FRMPD2: variants seen among roughly 807,000 people sequenced by gnomAD.
FRMPD2 encodes FERM and PDZ domain-containing protein 2.
A neutral mutation model predicts 140.1 loss-of-function variants in FRMPD2; 96 were observed. The observed-to-expected ratio is 0.69, with a 90% CI of 0.58 to 0.81. The LOEUF is 0.81. FRMPD2 is among the 40% of genes least tolerant of loss of function. The pLI, the probability that FRMPD2 is intolerant of heterozygous loss-of-function variation, is 0.00. For missense variants in FRMPD2, 1,240 were observed against 1,447.4 expected (o/e 0.86, Z 2.32); for synonymous variants, 449 against 547.6 (o/e 0.82, Z 2.52).
chr10:48,196,994 T>C (rs1209061962), intron 15 of FRMPD2, among the ~76,000 whole-genome samples: 3 of 152,216 alleles, frequency 2.0e-5, no homozygotes, highest in Admixed American at 6.5e-5. Context: ...TTCTCAGCAA[T>C]AGCAGGTAAG....
intron 1 of FRMPD2, among the ~76,000 whole-genome samples, chr10:48,273,124 A>G (rs923291460): frequency 3.3e-5 from 5 of 152,200 alleles, no homozygotes; most frequent in African/African-American, 4.8e-5. Context: ...TTAGATGCAT[A>G]TGTATTTGTT....
At chr10:48,203,372 C>A (rs1839132714) in intron 14 of FRMPD2, among the ~76,000 whole-genome samples, 1 of 152,132 alleles carries the variant, frequency 6.6e-6, no homozygotes. Flanking sequence ...CAAACTTTCG[C>A]ATAAGCAAGC....
At chr10:48,266,351 T>C (rs1299671194) in intron 1 of FRMPD2, among the ~76,000 whole-genome samples, 21 of 152,170 alleles carry the variant, frequency 1.4e-4, no homozygotes, top group Non-Finnish European at 3.1e-4. Context: ...CCTGCACATG[T>C]ACCCCTGTAC....
At chr10:48,265,479 C>G (rs1840662792) in intron 1 of FRMPD2, among the ~76,000 whole-genome samples, 1 of 152,018 alleles carries the variant, frequency 6.6e-6, no homozygotes, top group Non-Finnish European at 1.5e-5. Context: ...TGGCAAAGGT[C>G]TAATATCCAG....
chr10:48,242,765 TC>T (rs1461748620), intron 4 of FRMPD2, among the ~76,000 whole-genome samples: 1 of 152,212 alleles, frequency 6.6e-6, no homozygotes, highest in Non-Finnish European at 1.5e-5. Context: ...ACTTGGCCTT[TC>T]CCCTGGAATG....
chr10:48,273,617 G>A (rs2131995525), intron 1 of FRMPD2, among the ~76,000 whole-genome samples: 1 of 152,238 alleles, frequency 6.6e-6, no homozygotes, highest in African/African-American at 2.4e-5. Context: ...AGGAGCCCGT[G>A]CCACCTCCAT....
At chr10:48,237,618 G>C (rs1839997467) in intron 8 of FRMPD2, among the ~76,000 whole-genome samples, 1 of 152,068 alleles carries the variant, frequency 6.6e-6, no homozygotes, top group African/African-American at 2.4e-5. Context: ...CTGCGGCCCT[G>C]GATCTATGCT....
chr10:48,194,680 G>A (rs1838913275), intron 15 of FRMPD2, among the ~76,000 whole-genome samples: 1 of 152,170 alleles, frequency 6.6e-6, no homozygotes, highest in Non-Finnish European at 1.5e-5. Context: ...GCCTGAGGAG[G>A]AAGCTCAGTT....
rs1218837210 is a variant in FRMPD2, at chr10:48,184,678, C to T, written c.2472G>A (p.Gly824=). The part of the protein sequence containing the change: ...AEKAKTIKPG[G]QILALNHISL... ...TGATGTGATTCAGGGCTAGTATCTG[C>T]CCTCCTAGAAAAATAAAACATCTCA... Residue 824 remains glycine, a synonymous_variant, in exon 20 of 29, where the codon GGG becomes GGA. Transcript: ENST00000374201. 6.2e-7 allele frequency: 1 copy of T among 1,609,478 alleles called. No individual in the cohort carries two copies. Among genetic ancestry groups the T allele is most frequent in the Non-Finnish European group, 8.5e-7 (1 of 1,176,424 alleles).
intron 1 of FRMPD2, among the ~76,000 whole-genome samples, chr10:48,271,782 G>A (rs1483223298): frequency 6.6e-6 from 1 of 152,206 alleles, no homozygotes; most frequent in Non-Finnish European, 1.5e-5. Context: ...AATTCAGGAG[G>A]GGAATGAGAA....
chr10:48,187,302 A>G lies in FRMPD2; in HGVS notation c.2166-10T>C. ...CCGGCCAGTGCAGGGGCTGCCGGGA[A>G]AAGAAAATGAGGTTAGATAAGGTGG... On this transcript the variant is annotated splice_polypyrimidine_tract_variant and intron_variant, in intron 16 of 28. Coordinates refer to ENST00000374201, the MANE Select transcript of FRMPD2 (RefSeq NM_001018071.4). 6.2e-7 allele frequency: 1 copy of G among 1,613,040 alleles called. No individual in the cohort carries two copies. Among genetic ancestry groups the G allele is most frequent in the South Asian group, 1.1e-5 (1 of 90,978 alleles).
At chr10:48,261,773 T>G (rs978875244) in intron 1 of FRMPD2, among the ~76,000 whole-genome samples, 2 of 152,078 alleles carry the variant, frequency 1.3e-5, no homozygotes, top group African/African-American at 4.8e-5. Flanking sequence ...AGCAACAACA[T>G]CTTGGGTGAT....
intron 13 of FRMPD2, 144 bp from the exon 14 acceptor site, chr10:48,207,077 G>A: frequency 2.9e-6 from 2 of 679,636 alleles, no homozygotes; most frequent in Non-Finnish European, 4.6e-6. Flanking sequence ...GGAAACACTG[G>A]GTCAAACAGA....
chr10:48,181,519 A>G (rs1448896604), intron 20 of FRMPD2, among the ~76,000 whole-genome samples: 1 of 152,012 alleles, frequency 6.6e-6, no homozygotes, highest in African/African-American at 2.4e-5. Flanking sequence ...TGATCCAAAA[A>G]CCAACGTATC....
chr10:48,207,802 C>A (rs1839235677), intron 13 of FRMPD2, among the ~76,000 whole-genome samples: 1 of 152,110 alleles, frequency 6.6e-6, no homozygotes, highest in African/African-American at 2.4e-5. Context: ...CATTCCTACC[C>A]CCAACCAGAG....
In FRMPD2 at chr10:48,246,200, C is replaced by T. The variant is rs757850777; in HGVS notation, c.310-1351G>A. ...AGAACCAATTGCAGTGACTGCCACC[C>T]GCAAGGCTGGTCTTCCCACACGGTT... On this transcript the variant is annotated intron_variant, in intron 3 of 28. Transcript: ENST00000374201. 7.9e-5 allele frequency among the ~76,000 whole-genome samples: 12 copies of T among 152,172 alleles called. 1 individual carries two copies. Among genetic ancestry groups the T allele is most frequent in the Admixed American group, 4.6e-4 (7 of 15,256 alleles).
intron 8 of FRMPD2, among the ~76,000 whole-genome samples, chr10:48,237,538 C>A (rs1414834913): frequency 6.6e-6 from 1 of 152,164 alleles, no homozygotes; most frequent in African/African-American, 2.4e-5. Flanking sequence ...GCACATTCCG[C>A]CTAACCCTAT....
chr10:48,199,331 G>C (rs1588824632), intron 15 of FRMPD2, among the ~76,000 whole-genome samples: 1 of 150,036 alleles, frequency 6.7e-6, no homozygotes, highest in South Asian at 2.1e-4. Flanking sequence ...ATATGGTCCT[G>C]GTAAAACAAG....
At chr10:48,189,669 G>C (rs1278547128) in intron 16 of FRMPD2, among the ~76,000 whole-genome samples, 1 of 152,188 alleles carries the variant, frequency 6.6e-6, no homozygotes, top group East Asian at 1.9e-4. Flanking sequence ...CACACATTAG[G>C]TGCTCAATCC....
Sources: gnomAD v4.1 joint callset for allele counts (sites outside exome capture counted in the v4.1 genomes callset) on GRCh38, gnomAD v4.1.1 for gene constraint, MANE v1.5 for transcripts, NCBI Gene and HGNC (gene_info 2026-07-23, HGNC 2026-07-21) for gene names.